TCEANC2: variants seen among roughly 807,000 people sequenced by gnomAD.
The protein encoded by TCEANC2 is transcription elongation factor A N-terminal and central domain-containing protein 2.
In TCEANC2, 20 loss-of-function variants were observed where a neutral mutation model predicts 22.8. That is an observed-to-expected ratio of 0.88 (90% CI 0.62 to 1.28). The LOEUF (loss-of-function observed/expected upper bound fraction) is 1.28. TCEANC2 is among the 50% of genes most tolerant of loss of function. TCEANC2 has a pLI of 0.00. For synonymous variants in TCEANC2, 84 were observed against 95.5 expected (o/e 0.88, Z 0.70); for missense variants, 251 against 249.7 (o/e 1.01, Z -0.03).
chr1:54,076,412 A>C (rs945349554), intron 3 of TCEANC2, among the ~76,000 whole-genome samples: 1 of 152,154 alleles, frequency 6.6e-6, no homozygotes, highest in Admixed American at 6.5e-5. Context: ...AGCTCCATCC[A>C]TGTTCCCACA....
rs1658562391 is a variant in TCEANC2 at position 54,096,645 on chromosome 1, A to G, written c.*172A>G. On this transcript the variant is annotated 3_prime_UTR_variant, in exon 5 of 5. Transcript: ENST00000234827. The surrounding 1 kb of genome is among the most constrained non-coding windows in gnomAD (Gnocchi z 4.9). Reference sequence around the variant, plus strand: ...GGAGAGCCCTAGGAGACAGGCCTGCAGGAATGTGCTTCATTAGCTGCAGTG... The same window carrying G: ...GGAGAGCCCTAGGAGACAGGCCTGCGGGAATGTGCTTCATTAGCTGCAGTG... 4.5e-6 allele frequency: 6 copies of G among 1,333,302 alleles called. No individual in the cohort carries two copies. The highest frequency in any genetic ancestry group is 2.6e-5 in the East Asian group (1 of 38,392). The allele number at this position is 1,333,302 out of a possible 1,614,324, so 82.6% of individuals were successfully genotyped here. A position where few individuals can be genotyped will look rare whatever the true frequency, so the allele number is the denominator to read the frequency against.
chr1:54,059,101 T>G (rs1442790959), intron 2 of TCEANC2, among the ~76,000 whole-genome samples: 1 of 152,122 alleles, frequency 6.6e-6, no homozygotes, highest in African/African-American at 2.4e-5. Context: ...AGAACTACTT[T>G]GCCTATAAAT....
intron 3 of TCEANC2, among the ~76,000 whole-genome samples, chr1:54,085,455 G>A (rs1397282076): frequency 6.6e-6 from 1 of 151,938 alleles, no homozygotes; most frequent in Admixed American, 6.5e-5. Flanking sequence ...AAATTCTTAT[G>A]TACTATGGTC....
chr1:54,074,470 A>C (rs1658111194), intron 3 of TCEANC2, among the ~76,000 whole-genome samples: 2 of 152,222 alleles, frequency 1.3e-5, no homozygotes, highest in African/African-American at 4.8e-5. Context: ...CTCAAAAAAA[A>C]AAAATATAGT....
chr1:54,106,028 C>G lies in TCEANC2; in HGVS notation c.*9555C>G, dbSNP rs929380202. 1 of 152,114 alleles carries G rather than the reference C, an allele frequency of 6.6e-6. No homozygotes were observed. Among genetic ancestry groups the G allele is most frequent in the Non-Finnish European group, 1.5e-5 (1 of 68,026 alleles). 9.4% of individuals were successfully genotyped at this position (152,114 alleles called of 1,614,324 possible). A position where few individuals can be genotyped will look rare whatever the true frequency, so the allele number is the denominator to read the frequency against. On this transcript the variant is annotated 3_prime_UTR_variant, in exon 5 of 5. Transcript: ENST00000234827. ...ATTGTAATACAAAAGCAGCTGTGGA[C>G]AGTATGTAAATGAATGAATGTGGCT...
intron 2 of TCEANC2, among the ~76,000 whole-genome samples, chr1:54,066,545 ATGTT>A (rs780456607): frequency 9.8e-5 from 15 of 152,352 alleles, no homozygotes; most frequent in Admixed American, 2.6e-4. Flanking sequence ...CATTGAAACA[ATGTT>A]TGTAACATGT....
chr1:54,104,730 T>C lies in TCEANC2; in HGVS notation c.*8257T>C, dbSNP rs1220389612. ...CTGATTTTTGTATTTTTAGTAGAGATGGAGTTTCGCCATGTTGGCCAGACT... is the reference window on the plus strand; with the variant it reads ...CTGATTTTTGTATTTTTAGTAGAGACGGAGTTTCGCCATGTTGGCCAGACT... On this transcript the variant is annotated 3_prime_UTR_variant, in exon 5 of 5. Transcript: ENST00000234827. 1 of 444,240 alleles carries C rather than the reference T, an allele frequency of 2.3e-6. No homozygotes were observed. Among genetic ancestry groups the C allele is most frequent in the Non-Finnish European group, 4.6e-6 (1 of 218,924 alleles). 27.5% of individuals were successfully genotyped at this position (444,240 alleles called of 1,614,324 possible).
chr1:54,089,650 A>C (rs1658405006), intron 4 of TCEANC2, among the ~76,000 whole-genome samples: 1 of 152,254 alleles, frequency 6.6e-6, no homozygotes, highest in South Asian at 2.1e-4. Context: ...TATTAATAAA[A>C]TAAGCAATTC....
intron 2 of TCEANC2, among the ~76,000 whole-genome samples, chr1:54,068,097 G>T (rs1657990942): frequency 6.6e-6 from 1 of 152,204 alleles, no homozygotes; most frequent in African/African-American, 2.4e-5. Context: ...TTAATGGAAA[G>T]ATGCATATCA....
rs1410860210 is a variant in TCEANC2, at chr1:54,104,952, C to T, written c.*8479C>T. 1 of 196,572 alleles carries T rather than the reference C, an allele frequency of 5.1e-6. No individual in the cohort carries two copies. Among genetic ancestry groups the T allele is most frequent in the Non-Finnish European group, 1.1e-5 (1 of 91,396 alleles). 12.2% of individuals were successfully genotyped at this position (196,572 alleles called of 1,614,324 possible). A position where few individuals can be genotyped will look rare whatever the true frequency, so the allele number is the denominator to read the frequency against. ...AGGGCTGAGGGTCTAAATCATGCCT[C>T]CGTGGAAGTGACGGAGACCGGAACA... On this transcript the variant is annotated 3_prime_UTR_variant, in exon 5 of 5. Transcript: ENST00000234827.
chr1:54,076,028 CAA>C (rs540752255), intron 3 of TCEANC2, among the ~76,000 whole-genome samples: 18 of 123,586 alleles, frequency 1.5e-4, no homozygotes, highest in Non-Finnish European at 1.3e-4. Flanking sequence ...AACTTGTCTC[CAA>C]AAAAAAAAAA....
chr1:54,109,925 A>G (rs1428429858), downstream of TCEANC2, among the ~76,000 whole-genome samples: 4 of 152,264 alleles, frequency 2.6e-5, no homozygotes, highest in South Asian at 2.1e-4. Context: ...AGCAGCCCAC[A>G]TGGCATGGAG....
chr1:54,098,592 G>C lies in TCEANC2; in HGVS notation c.*2119G>C, dbSNP rs547805393. On this transcript the variant is annotated 3_prime_UTR_variant, in exon 5 of 5. Transcript: ENST00000234827. ...TTGTCTATCTCCCCACTCCCAGAAT[G>C]TAAGCTTCATGAAAGCAGAGTCTCT... The C allele has an allele frequency of 6.6e-6, 1 of 152,154 alleles. No homozygotes were observed. Among genetic ancestry groups the C allele is most frequent in the Non-Finnish European group, 1.5e-5 (1 of 68,062 alleles). The allele number at this position is 152,154 out of a possible 1,614,324, so 9.4% of individuals were successfully genotyped here. A position where few individuals can be genotyped will look rare whatever the true frequency, so the allele number is the denominator to read the frequency against.
At chr1:54,057,884 C>T (rs1362985835) in intron 2 of TCEANC2, among the ~76,000 whole-genome samples, 1 of 152,184 alleles carries the variant, frequency 6.6e-6, no homozygotes, top group Non-Finnish European at 1.5e-5. Context: ...CTCTTTCCTT[C>T]CTCTGTGCCT....
chr1:54,071,518 G>C (rs1658055464), intron 3 of TCEANC2, among the ~76,000 whole-genome samples: 1 of 152,120 alleles, frequency 6.6e-6, no homozygotes, highest in Non-Finnish European at 1.5e-5. Context: ...AGTGATCCAG[G>C]AAAGAACAAG....
intron 3 of TCEANC2, among the ~76,000 whole-genome samples, chr1:54,069,737 G>C (rs1419800344): frequency 6.6e-6 from 1 of 152,088 alleles, no homozygotes; most frequent in Non-Finnish European, 1.5e-5. Context: ...ATCTAAACAA[G>C]GTATATACTG....
At chr1:54,085,465 CT>C (rs1658323072) in intron 3 of TCEANC2, among the ~76,000 whole-genome samples, 1 of 152,076 alleles carries the variant, frequency 6.6e-6, no homozygotes, top group Admixed American at 6.5e-5. Context: ...GTACTATGGT[CT>C]GTTTGCGACC....
chr1:54,078,124 C>T (rs1658174097), intron 3 of TCEANC2, among the ~76,000 whole-genome samples: 1 of 152,128 alleles, frequency 6.6e-6, no homozygotes, highest in Non-Finnish European at 1.5e-5. Context: ...GAATTGTTTT[C>T]CATGCATTTT....
At chr1:54,062,931 G>A (rs535827557) in intron 2 of TCEANC2, among the ~76,000 whole-genome samples, 8 of 152,318 alleles carry the variant, frequency 5.3e-5, no homozygotes, top group Non-Finnish European at 1.0e-4. Context: ...ATTATCTGAT[G>A]TGGAACTCTT....
Sources: allele counts gnomAD v4.1 joint callset (sites outside exome capture counted in the v4.1 genomes callset), GRCh38; gene constraint gnomAD v4.1.1; non-coding constraint Gnocchi (gnomAD v3.1); transcripts MANE v1.5; gene names NCBI Gene and HGNC (gene_info 2026-07-23, HGNC 2026-07-21).